GCNT2: variants seen among roughly 807,000 people sequenced by gnomAD.
GCNT2 encodes N-acetyllactosaminide beta-1,6-N-acetylglucosaminyl-transferase.
In GCNT2, 34 loss-of-function variants were observed where a neutral mutation model predicts 34.2. The observed-to-expected ratio is 1.00, with a 90% CI of 0.76 to 1.32. The LOEUF is 1.32. GCNT2 is among the 40% of genes most tolerant of loss of function. The pLI is 0.00. For synonymous variants in GCNT2, 212 were observed against 188.0 expected (o/e 1.13, Z -1.04); for missense variants, 584 against 489.4 (o/e 1.19, Z -1.82).
At chr6:10,530,098 A>C (rs1332251938) in intron 3 of GCNT2, 1 of 404,130 alleles carries the variant, frequency 2.5e-6, no homozygotes, top group African/African-American at 2.0e-5. Context: ...ACAGTGGCTC[A>C]AGCCTGTAAT....
intron 3 of GCNT2, among the ~76,000 whole-genome samples, chr6:10,595,471 G>A (rs893090291): frequency 3.3e-5 from 5 of 152,002 alleles, no homozygotes; most frequent in African/African-American, 9.7e-5. Flanking sequence ...TAGAGATGGG[G>A]TTTCATCGTG....
intron 3 of GCNT2, among the ~76,000 whole-genome samples, chr6:10,541,580 CATTA>C (rs1407674776): frequency 6.6e-6 from 1 of 152,088 alleles, no homozygotes; most frequent in Non-Finnish European, 1.5e-5. Context: ...AAAGTAAAAT[CATTA>C]ATTAAGGGAA....
chr6:10,580,695 C>T (rs1002615231), intron 3 of GCNT2, among the ~76,000 whole-genome samples: 3 of 152,080 alleles, frequency 2.0e-5, no homozygotes, highest in African/African-American at 4.8e-5. Context: ...AGGTCCGACT[C>T]GGGTTCCAGT....
chr6:10,556,966 A>T (rs1466826325), intron 3 of GCNT2: 2 of 1,614,082 alleles, frequency 1.2e-6, no homozygotes. Flanking sequence ...TCGAGGTCTC[A>T]TGGAAGTACG....
chr6:10,557,319 G>T, intron 3 of GCNT2: 1 of 1,613,516 alleles, frequency 6.2e-7, no homozygotes, highest in South Asian at 1.1e-5. Flanking sequence ...GAGCATTTCT[G>T]GGTGACACTC....
chr6:10,612,150 C>A (rs1304099632), intron 3 of GCNT2, among the ~76,000 whole-genome samples: 2 of 152,076 alleles, frequency 1.3e-5, no homozygotes, highest in Non-Finnish European at 2.9e-5. Flanking sequence ...CCACGCCCGG[C>A]TAATTTTTGT....
intron 1 of GCNT2, among the ~76,000 whole-genome samples, chr6:10,522,868 A>G (rs1026640078): frequency 6.6e-6 from 1 of 152,150 alleles, no homozygotes; most frequent in African/African-American, 2.4e-5. Context: ...ATAATATCCC[A>G]TTTATAGAAT....
At chr6:10,549,881 G>A (rs1413660833) in intron 3 of GCNT2, among the ~76,000 whole-genome samples, 3 of 152,112 alleles carry the variant, frequency 2.0e-5, no homozygotes, top group African/African-American at 7.2e-5. Flanking sequence ...GAGATGACTT[G>A]TAACCAAGGT....
Position 10,623,539 on chromosome 6 carries a change from G to A in GCNT2, c.1018+2096G>A, listed in dbSNP as rs184605699. 1.2e-3 allele frequency among the ~76,000 whole-genome samples: 183 copies of A among 151,512 alleles called. 1 individual carries two copies. In the East Asian group the frequency reaches 0.016, roughly 13 times the overall value. On this transcript the variant is annotated intron_variant, in intron 4 of 4. Transcript: ENST00000495262. ...ACTCCTGACCTTATGATCCACCTGCGTCGGCCTCCCAAAGTGCTGGGATTA... is the reference window on the plus strand; with the variant it reads ...ACTCCTGACCTTATGATCCACCTGCATCGGCCTCCCAAAGTGCTGGGATTA...
intron 3 of GCNT2, among the ~76,000 whole-genome samples, chr6:10,581,429 C>T (rs1278329292): frequency 1.3e-5 from 2 of 152,102 alleles, no homozygotes; most frequent in African/African-American, 2.4e-5. Context: ...CACCACCCCA[C>T]CTGGCTAATT....
At chr6:10,548,741 A>G (rs1383930253) in intron 3 of GCNT2, among the ~76,000 whole-genome samples, 1 of 151,854 alleles carries the variant, frequency 6.6e-6, no homozygotes, top group Non-Finnish European at 1.5e-5. Context: ...TGTTGCATAG[A>G]GAGAAGAACC....
At chr6:10,550,115 G>A (rs1022022413) in intron 3 of GCNT2, among the ~76,000 whole-genome samples, 17 of 151,788 alleles carry the variant, frequency 1.1e-4, no homozygotes, top group African/African-American at 3.9e-4. Context: ...GTGCAGTGGC[G>A]CAATCTGGGC....
intron 4 of GCNT2, among the ~76,000 whole-genome samples, chr6:10,623,278 C>G (rs1766119304): frequency 6.6e-6 from 1 of 151,256 alleles, no homozygotes; most frequent in Non-Finnish European, 1.5e-5. Context: ...CAGTGCATGC[C>G]ACCTGCCTAC....
intron 3 of GCNT2, among the ~76,000 whole-genome samples, chr6:10,603,126 C>T (rs1222773264): frequency 6.6e-6 from 1 of 152,088 alleles, no homozygotes; most frequent in Non-Finnish European, 1.5e-5. Context: ...AACTTAAGTC[C>T]TAAAGAGGCA....
At chr6:10,579,437 C>T (rs1283414390) in intron 3 of GCNT2, among the ~76,000 whole-genome samples, 1 of 152,084 alleles carries the variant, frequency 6.6e-6, no homozygotes, top group Non-Finnish European at 1.5e-5. Flanking sequence ...GCTAGGTTGG[C>T]CTGTTTTCTT....
At chr6:10,556,444 C>A in intron 3 of GCNT2, 4 of 1,613,974 alleles carry the variant, frequency 2.5e-6, no homozygotes, top group Non-Finnish European at 3.4e-6. Flanking sequence ...CAATGCGTTA[C>A]CTCTTCATAA....
chr6:10,558,430 T>A (rs1396828287), intron 3 of GCNT2, among the ~76,000 whole-genome samples: 1 of 152,210 alleles, frequency 6.6e-6, no homozygotes, highest in African/African-American at 2.4e-5. Flanking sequence ...AAAAATACAT[T>A]TTATTTCAAA....
At chr6:10,620,480 C>T (rs772376940) in intron 3 of GCNT2, among the ~76,000 whole-genome samples, 3 of 151,842 alleles carry the variant, frequency 2.0e-5, no homozygotes, top group Non-Finnish European at 4.4e-5. Flanking sequence ...AATCATGGCT[C>T]ATTGCAGCCT....
In GCNT2 at chr6:10,534,330, C is replaced by T. The variant is rs148002877; in HGVS notation, c.925+4494C>T. 4.9e-3 allele frequency among the ~76,000 whole-genome samples: 746 copies of T among 151,756 alleles called. 43 individuals are homozygous for T. In the East Asian group the frequency reaches 0.13, roughly 26 times the overall value. ...CTAATTTTTGCATTTTTAGTAGAGA[C>T]GGGGTTTCACCATGTTGGCCAGGCT... is the stretch of plus-strand genomic sequence containing the variant. On this transcript the variant is annotated intron_variant, in intron 3 of 4. Transcript: ENST00000495262.
Sources: gnomAD v4.1 joint callset for allele counts (sites outside exome capture counted in the v4.1 genomes callset) on GRCh38, gnomAD v4.1.1 for gene constraint, MANE v1.5 for transcripts, NCBI Gene and HGNC (gene_info 2026-07-23, HGNC 2026-07-21) for gene names.